HECW1: variants seen among roughly 807,000 people sequenced by gnomAD.
The protein encoded by HECW1 is HECT, C2 and WW domain containing E3 ubiquitin protein ligase 1.
In HECW1, 61 loss-of-function variants were observed where a neutral mutation model predicts 182.3. The ratio of observed to expected loss-of-function variants is 0.33; its 90% confidence interval spans 0.27 to 0.41. The LOEUF (loss-of-function observed/expected upper bound fraction) is 0.41, where lower values mean the gene tolerates loss of function less well. HECW1 is among the 10% of genes least tolerant of loss of function. The probability of loss-of-function intolerance (pLI) is 1.00; values close to 1 mark genes in which losing one functional copy is unlikely to be tolerated. For missense variants in HECW1, 1,739 were observed against 2,108.9 expected, an observed-to-expected ratio of 0.82 and a Z score of 3.44; for synonymous variants, 859 against 832.6, an observed-to-expected ratio of 1.03 and a Z score of -0.55.
chr7:43,376,289 C>T (rs1461038202), intron 6 of HECW1, among the ~76,000 whole-genome samples: 1 of 152,076 alleles, frequency 6.6e-6, no homozygotes, highest in African/African-American at 2.4e-5. Flanking sequence ...GTAATAATCT[C>T]ACCACCCAAC....
chr7:43,430,963 G>A (rs1284494617), intron 8 of HECW1, among the ~76,000 whole-genome samples: 1 of 151,592 alleles, frequency 6.6e-6, no homozygotes, highest in East Asian at 1.9e-4. Context: ...TGTATTTTTA[G>A]TAGAGAGGGG....
chr7:43,552,181 T>G, intron 27 of HECW1, 41 bp from the exon 28 acceptor site: 1 of 1,183,298 alleles, frequency 8.5e-7, no homozygotes, highest in Non-Finnish European at 1.3e-6. Context: ...AGCCTTTCCA[T>G]GTGTTTGGAC....
At chr7:43,416,697 A>C (rs1336032075) in intron 8 of HECW1, among the ~76,000 whole-genome samples, 5 of 141,364 alleles carry the variant, frequency 3.5e-5, no homozygotes, top group African/African-American at 1.3e-4. Context: ...TGGGCGTAGG[A>C]CCCTCCGAGA....
chr7:43,290,654 T>C (rs534065752), intron 3 of HECW1, among the ~76,000 whole-genome samples: 10 of 152,224 alleles, frequency 6.6e-5, no homozygotes, highest in African/African-American at 2.4e-4. Context: ...TGAATTTTAT[T>C]TTTGGTTTAC....
chr7:43,463,202 A>C (rs1257789275), intron 13 of HECW1, among the ~76,000 whole-genome samples: 1 of 152,250 alleles, frequency 6.6e-6, no homozygotes, highest in East Asian at 1.9e-4. Flanking sequence ...CAGATGTAAT[A>C]TTTCCATGAC....
chr7:43,313,671 A>G (rs942896150), intron 4 of HECW1, among the ~76,000 whole-genome samples: 1 of 152,126 alleles, frequency 6.6e-6, no homozygotes, highest in East Asian at 1.9e-4. Flanking sequence ...TTTTGTTTTA[A>G]ATTTGATTGA....
At chr7:43,170,355 T>G (rs908802640) in intron 2 of HECW1, among the ~76,000 whole-genome samples, 10 of 151,876 alleles carry the variant, frequency 6.6e-5, no homozygotes, top group African/African-American at 2.4e-4. Context: ...AAAATCATCC[T>G]CCCCCACCCC....
rs1276872311 is a variant in HECW1 at position 43,181,338 on chromosome 7, A to G, written c.-31-62537A>G. 2.0e-5 allele frequency among the ~76,000 whole-genome samples: 3 copies of G among 150,980 alleles called. 1 individual carries two copies. The highest frequency in any genetic ancestry group is 6.6e-5 in the Admixed American group (1 of 15,246). On this transcript the variant is annotated intron_variant, in intron 2 of 29. Transcript: ENST00000395891. ...CTGATCTCTTGGACGTATTGATTTC[A>G]TTTCCTTTGGATAAATATTCAGCAG...
chr7:43,142,376 A>G (rs1788247720), intron 2 of HECW1, among the ~76,000 whole-genome samples: 1 of 152,182 alleles, frequency 6.6e-6, no homozygotes, highest in South Asian at 2.1e-4. Context: ...CCCAAACAGA[A>G]AATTCTTAGA....
At chr7:43,546,881 G>C (rs1164754163) in intron 26 of HECW1, among the ~76,000 whole-genome samples, 1 of 152,140 alleles carries the variant, frequency 6.6e-6, no homozygotes, top group Non-Finnish European at 1.5e-5. Flanking sequence ...AAATCCTGGT[G>C]CTCACTTATC....
intron 5 of HECW1, among the ~76,000 whole-genome samples, chr7:43,344,753 C>G (rs1000306402): frequency 6.6e-6 from 1 of 151,870 alleles, no homozygotes; most frequent in Non-Finnish European, 1.5e-5. Flanking sequence ...GACCTATATT[C>G]CAGTTCCTTA....
At chr7:43,408,653 T>C (rs1428268654) in intron 8 of HECW1, among the ~76,000 whole-genome samples, 4 of 151,868 alleles carry the variant, frequency 2.6e-5, no homozygotes, top group Non-Finnish European at 5.9e-5. Flanking sequence ...GCCACTGCAC[T>C]CCAACCTGGG....
chr7:43,203,910 A>C (rs185077845), intron 2 of HECW1, among the ~76,000 whole-genome samples: 4 of 152,344 alleles, frequency 2.6e-5, no homozygotes, highest in Admixed American at 1.3e-4. Flanking sequence ...CTATTATGTA[A>C]TATCTTGTAT....
At chr7:43,379,165 C>A (rs943368589) in intron 6 of HECW1, among the ~76,000 whole-genome samples, 1 of 152,196 alleles carries the variant, frequency 6.6e-6, no homozygotes, top group Admixed American at 6.5e-5. Flanking sequence ...AAGAGTGTTC[C>A]TTTAATCTTA....
At chr7:43,441,917 A>G (rs1187390383) in intron 9 of HECW1, among the ~76,000 whole-genome samples, 1 of 152,270 alleles carries the variant, frequency 6.6e-6, no homozygotes, top group African/African-American at 2.4e-5. Flanking sequence ...CTGCTTTAGA[A>G]TACAGACAGT....
chr7:43,225,937 CT>C (rs1054616454), intron 2 of HECW1, among the ~76,000 whole-genome samples: 3 of 151,432 alleles, frequency 2.0e-5, no homozygotes, highest in African/African-American at 4.9e-5. Context: ...ACTCAGCTAA[CT>C]TTTTTTTTAT....
chr7:43,287,471 C>T (rs1804796474), intron 3 of HECW1, among the ~76,000 whole-genome samples: 1 of 151,950 alleles, frequency 6.6e-6, no homozygotes, highest in Non-Finnish European at 1.5e-5. Context: ...GAAGGTTTGG[C>T]AGAGGGGATG....
intron 5 of HECW1, among the ~76,000 whole-genome samples, chr7:43,332,288 A>G (rs140542094): frequency 0.017 from 2,533 of 152,304 alleles, 35 homozygotes; most frequent in Non-Finnish European, 0.027. Flanking sequence ...AATCACAGAC[A>G]CACGGAGCTG....
intron 4 of HECW1, among the ~76,000 whole-genome samples, chr7:43,315,563 A>G (rs544113296): frequency 6.6e-6 from 1 of 152,010 alleles, no homozygotes; most frequent in African/African-American, 2.4e-5. Context: ...GCACGATCCC[A>G]GCTCACTGCA....
Sources: gnomAD v4.1 joint callset for allele counts (sites outside exome capture counted in the v4.1 genomes callset) on GRCh38, gnomAD v4.1.1 for gene constraint, MANE v1.5 for transcripts, NCBI Gene and HGNC (gene_info 2026-07-23, HGNC 2026-07-21) for gene names.